The following SCFD2 variants were observed in gnomAD, a reference collection of about 807,000 sequenced individuals.
The protein encoded by SCFD2 is sec1 family domain-containing protein 2.
SCFD2 carries 54 observed loss-of-function variants against 58.9 expected under a neutral mutation model. The ratio of observed to expected loss-of-function variants is 0.92; its 90% CI spans 0.74 to 1.15. The LOEUF is 1.15. Ranked by LOEUF, SCFD2 falls within the 50% of genes most tolerant of loss-of-function variation. The pLI, the probability that SCFD2 is intolerant of heterozygous loss-of-function variation, is 0.00. For missense variants in SCFD2, 805 were observed against 836.6 expected (o/e 0.96, Z 0.47); for synonymous variants, 321 against 335.9 (o/e 0.96, Z 0.49).
chr4:53,053,534 TCTA>T (rs769979482), intron 5 of SCFD2, among the ~76,000 whole-genome samples: 93 of 152,176 alleles, frequency 6.1e-4, no homozygotes, highest in South Asian at 1.2e-3. Context: ...CTCTTTGTAA[TCTA>T]CTCCCCAATC....
chr4:53,325,267 C>T (rs1733155089), intron 2 of SCFD2, among the ~76,000 whole-genome samples: 1 of 150,958 alleles, frequency 6.6e-6, no homozygotes, highest in Non-Finnish European at 1.5e-5. Flanking sequence ...TTCTAGGGGG[C>T]ACAGAGGACA....
chr4:52,932,569 G>T (rs570719693), intron 5 of SCFD2, among the ~76,000 whole-genome samples: 79 of 152,248 alleles, frequency 5.2e-4, no homozygotes, highest in African/African-American at 1.9e-3. Flanking sequence ...GGGAAGGCAA[G>T]GTGGTTAATA....
At chr4:53,204,736 G>T (rs1728356561) in intron 4 of SCFD2, among the ~76,000 whole-genome samples, 1 of 146,940 alleles carries the variant, frequency 6.8e-6, no homozygotes, top group South Asian at 2.3e-4. Context: ...CAGACCCACA[G>T]CATGGCTCAC....
chr4:53,198,697 A>G (rs1728136499), intron 4 of SCFD2, among the ~76,000 whole-genome samples: 1 of 145,678 alleles, frequency 6.9e-6, no homozygotes, highest in East Asian at 2.1e-4. Flanking sequence ...GTGTGTATAC[A>G]TGTGTTCATT....
rs1339310115 is a variant in SCFD2, at chr4:53,146,760, C to T, written c.1312-1178G>A. Among the ~76,000 whole-genome samples, 5 of 152,252 alleles carry T rather than the reference C, an allele frequency of 3.3e-5. No homozygotes were observed. In the South Asian group the frequency reaches 8.3e-4, roughly 25 times the overall value. On this transcript the variant is annotated intron_variant, in intron 4 of 8. Coordinates refer to ENST00000401642, the MANE Select transcript of SCFD2 (RefSeq NM_152540.4). Reference sequence around the variant, plus strand: ...ATTTTGAGACAGAGATAGAGAGAGACCCCATTCCTAAAACTTTTAGTATAG... The same window carrying T: ...ATTTTGAGACAGAGATAGAGAGAGATCCCATTCCTAAAACTTTTAGTATAG...
chr4:52,967,450 C>A lies in SCFD2; in HGVS notation c.1562-46580G>T, dbSNP rs186122019. Among the ~76,000 whole-genome samples, 152 of 152,256 alleles carry A rather than the reference C, an allele frequency of 1.0e-3. 1 individual carries two copies. The highest frequency in any genetic ancestry group is 3.5e-3 in the African/African-American group (145 of 41,542). Reference sequence around the variant, plus strand: ...TTATTTTGCTTAATTTTCACAACATCCCCATGAAGTAGGTACTAATATTAA... The same window carrying A: ...TTATTTTGCTTAATTTTCACAACATACCCATGAAGTAGGTACTAATATTAA... On this transcript the variant is annotated intron_variant, in intron 5 of 8. Transcript: ENST00000401642.
intron 5 of SCFD2, among the ~76,000 whole-genome samples, chr4:52,945,057 T>C (rs1325531628): frequency 6.6e-6 from 1 of 152,204 alleles, no homozygotes; most frequent in Non-Finnish European, 1.5e-5. Flanking sequence ...TGTGGAACAA[T>C]ATGCAGAATA....
chr4:53,216,693 T>G (rs1488171722), intron 4 of SCFD2, among the ~76,000 whole-genome samples: 3 of 152,316 alleles, frequency 2.0e-5, no homozygotes, highest in South Asian at 4.1e-4. Flanking sequence ...TGCTAGCTTT[T>G]GAATGTGTTT....
At chr4:53,359,793 G>A (rs373453838) in intron 1 of SCFD2, among the ~76,000 whole-genome samples, 12 of 152,288 alleles carry the variant, frequency 7.9e-5, no homozygotes, top group African/African-American at 2.9e-4. Context: ...TGAGCATCAT[G>A]ACCATGTATT....
rs181415090 is a variant in SCFD2, at chr4:53,197,906, T to C, written c.1312-52324A>G. ...ATTTACAAGTATAAGAATGTCTTCA[T>C]ATTTTCCAGGAATAAACCTTTTCTT... On this transcript the variant is annotated intron_variant, in intron 4 of 8. Transcript: ENST00000401642. Among the ~76,000 whole-genome samples, 36 of 152,222 alleles carry C rather than the reference T, an allele frequency of 2.4e-4. No homozygotes were observed. The East Asian group carries it at 6.6e-3, about 28-fold the overall frequency.
intron 4 of SCFD2, among the ~76,000 whole-genome samples, chr4:53,196,492 C>T (rs1035181814): frequency 2.0e-5 from 3 of 152,112 alleles, no homozygotes; most frequent in Admixed American, 6.6e-5. Flanking sequence ...TATAAACTGC[C>T]TGTTTCCGTT....
chr4:53,354,357 C>T (rs1182995294), intron 1 of SCFD2, among the ~76,000 whole-genome samples: 1 of 152,176 alleles, frequency 6.6e-6, no homozygotes, highest in African/African-American at 2.4e-5. Context: ...CTGGACCGGC[C>T]GGCCACTCCA....
chr4:53,005,480 T>C (rs1178618760), intron 5 of SCFD2, among the ~76,000 whole-genome samples: 3 of 152,176 alleles, frequency 2.0e-5, no homozygotes, highest in Non-Finnish European at 4.4e-5. Flanking sequence ...GAGAAGTTTG[T>C]GAGGTTTCCC....
At chr4:53,075,335 C>T (rs1480527577) in intron 5 of SCFD2, among the ~76,000 whole-genome samples, 1 of 152,158 alleles carries the variant, frequency 6.6e-6, no homozygotes, top group Non-Finnish European at 1.5e-5. Context: ...TCTATCCAGA[C>T]CACTCAAACT....
chr4:53,027,369 T>C (rs376128069), intron 5 of SCFD2, among the ~76,000 whole-genome samples: 2 of 152,168 alleles, frequency 1.3e-5, no homozygotes, highest in South Asian at 2.1e-4. Flanking sequence ...AGTGTTGGTT[T>C]TCCAACGTCC....
intron 7 of SCFD2, among the ~76,000 whole-genome samples, chr4:52,903,258 T>C (rs1480545559): frequency 6.6e-6 from 1 of 152,178 alleles, no homozygotes; most frequent in Non-Finnish European, 1.5e-5. Flanking sequence ...CTTGTGCACA[T>C]CAATGCATGG....
chr4:52,968,021 G>A (rs948061638), intron 5 of SCFD2, among the ~76,000 whole-genome samples: 2 of 152,036 alleles, frequency 1.3e-5, no homozygotes, highest in Non-Finnish European at 2.9e-5. Context: ...TTTATCATCT[G>A]GAAGGCTGGC....
chr4:53,230,925 A>G (rs1291499740), intron 4 of SCFD2, among the ~76,000 whole-genome samples: 3 of 152,174 alleles, frequency 2.0e-5, no homozygotes, highest in Non-Finnish European at 4.4e-5. Context: ...ACCAATATGT[A>G]CACTGTATTG....
intron 4 of SCFD2, among the ~76,000 whole-genome samples, chr4:53,196,132 T>C (rs1211972676): frequency 6.6e-6 from 1 of 152,192 alleles, no homozygotes; most frequent in Admixed American, 6.6e-5. Context: ...ACTTTGTCTT[T>C]TTAAAAATCC....
Sources: allele counts gnomAD v4.1 joint callset (sites outside exome capture counted in the v4.1 genomes callset), GRCh38; gene constraint gnomAD v4.1.1; transcripts MANE v1.5; gene names NCBI Gene and HGNC (gene_info 2026-07-23, HGNC 2026-07-21).